PKP4: variants seen among roughly 807,000 people sequenced by gnomAD.
PKP4 encodes the protein plakophilin 4, also known as plakophilin-4.
PKP4 carries 90 observed loss-of-function variants against 145.1 expected under a neutral mutation model. The ratio of observed to expected loss-of-function variants is 0.62; its 90% confidence interval spans 0.52 to 0.74. The LOEUF is 0.74. PKP4 is among the 30% of genes least tolerant of loss of function. PKP4 has a pLI of 0.00. For missense variants in PKP4, 1,340 were observed against 1,482.7 expected (o/e 0.90, Z 1.58); for synonymous variants, 563 against 577.2 (o/e 0.98, Z 0.35).
At chr2:158,612,459 T>C (rs1207186752) in intron 4 of PKP4, among the ~76,000 whole-genome samples, 1 of 152,214 alleles carries the variant, frequency 6.6e-6, no homozygotes, top group African/African-American at 2.4e-5. Flanking sequence ...GAAGATTCTT[T>C]CTGCACATAT....
chr2:158,628,013 G>A (rs1047445907), intron 7 of PKP4, among the ~76,000 whole-genome samples: 6 of 149,510 alleles, frequency 4.0e-5, no homozygotes, highest in Admixed American at 6.7e-5. Context: ...ACGGAGTTTC[G>A]CTCTGTCACC....
chr2:158,474,072 T>G (rs1302606864), intron 1 of PKP4, among the ~76,000 whole-genome samples: 3 of 152,224 alleles, frequency 2.0e-5, no homozygotes. Flanking sequence ...AAAGTAAAAC[T>G]ACAACTCAAA....
At chr2:158,595,568 A>G (rs1484105440) in intron 3 of PKP4, among the ~76,000 whole-genome samples, 1 of 152,234 alleles carries the variant, frequency 6.6e-6, no homozygotes, top group Non-Finnish European at 1.5e-5. Flanking sequence ...TAAGAGATAG[A>G]CGGAGTAAAG....
intron 2 of PKP4, among the ~76,000 whole-genome samples, chr2:158,558,266 G>A (rs762811172): frequency 2.6e-5 from 4 of 152,028 alleles, no homozygotes; most frequent in Admixed American, 6.5e-5. Flanking sequence ...AGTACATTTC[G>A]GCCGATGCTA....
chr2:158,670,296 G>C (rs1158447244), intron 17 of PKP4, among the ~76,000 whole-genome samples: 1 of 152,194 alleles, frequency 6.6e-6, no homozygotes, highest in Non-Finnish European at 1.5e-5. Context: ...TGTCTGGTGA[G>C]GGCCCCGATT....
At chr2:158,665,781 T>A (rs1166220237) in intron 15 of PKP4, 2 of 152,192 alleles carry the variant, frequency 1.3e-5, no homozygotes. Context: ...CTATGGATTT[T>A]TAAAAAACAG....
intron 9 of PKP4, among the ~76,000 whole-genome samples, 162 bp from the exon 10 acceptor site, chr2:158,640,465 T>A (rs190471542): frequency 2.6e-5 from 4 of 152,364 alleles, no homozygotes; most frequent in Admixed American, 2.6e-4. Flanking sequence ...CCTCTGCATA[T>A]GTTCATCAGG....
intron 3 of PKP4, chr2:158,578,133 A>G: frequency 5.4e-6 from 1 of 184,956 alleles, no homozygotes; most frequent in Non-Finnish European, 1.3e-5. Context: ...CTTTTCTCTC[A>G]GTTATTTCTA....
intron 16 of PKP4, among the ~76,000 whole-genome samples, chr2:158,667,813 C>T (rs1031665345): frequency 1.2e-4 from 18 of 152,226 alleles, no homozygotes; most frequent in Non-Finnish European, 2.1e-4. Flanking sequence ...TGTGCCATAT[C>T]TCTCAGTTCC....
chr2:158,637,768 A>G (rs544594928), intron 9 of PKP4, among the ~76,000 whole-genome samples: 21 of 152,386 alleles, frequency 1.4e-4, no homozygotes, highest in African/African-American at 4.6e-4. Context: ...GGCGAAATCC[A>G]GTACGAGTTA....
chr2:158,591,601 A>G (rs1050190199), intron 3 of PKP4, among the ~76,000 whole-genome samples: 1 of 152,054 alleles, frequency 6.6e-6, no homozygotes, highest in Non-Finnish European at 1.5e-5. Context: ...GGTGATTCAG[A>G]TCTTAATTTT....
At chr2:158,576,414 G>T (rs2047855289) in intron 2 of PKP4, among the ~76,000 whole-genome samples, 1 of 152,152 alleles carries the variant, frequency 6.6e-6, no homozygotes. Flanking sequence ...TATGGCACAG[G>T]GGAGCTTGAG....
At chr2:158,620,380 A>G (rs1209450760) in intron 4 of PKP4, among the ~76,000 whole-genome samples, 3 of 152,120 alleles carry the variant, frequency 2.0e-5, no homozygotes, top group Non-Finnish European at 4.4e-5. Flanking sequence ...AATGGAAGAG[A>G]TGAGTTTGGC....
intron 4 of PKP4, among the ~76,000 whole-genome samples, chr2:158,607,919 G>C (rs1471876069): frequency 1.3e-5 from 2 of 152,072 alleles, no homozygotes. Flanking sequence ...GCCATCTTCA[G>C]GGTTTTTATC....
chr2:158,516,692 T>C (rs949158078), intron 1 of PKP4, among the ~76,000 whole-genome samples: 1 of 149,962 alleles, frequency 6.7e-6, no homozygotes, highest in African/African-American at 2.4e-5. Flanking sequence ...AGAGTTCCGC[T>C]CTTGTTGCCC....
At chr2:158,610,720 T>A (rs886322670) in intron 4 of PKP4, among the ~76,000 whole-genome samples, 1 of 152,120 alleles carries the variant, frequency 6.6e-6, no homozygotes, top group African/African-American at 2.4e-5. Flanking sequence ...TTTTTCTGTT[T>A]GCGAGAAAAA....
chr2:158,594,141 T>A (rs146214131), intron 3 of PKP4, among the ~76,000 whole-genome samples: 4 of 152,266 alleles, frequency 2.6e-5, no homozygotes, highest in Non-Finnish European at 4.4e-5. Context: ...ATTCTGTTGG[T>A]CACACCAGTG....
rs2058408240 is a variant in PKP4 at position 158,681,296 on chromosome 2, T to A, written c.*619T>A. 6.5e-6 allele frequency: 1 copy of A among 152,840 alleles called. No individual in the cohort carries two copies. The highest frequency in any genetic ancestry group is 2.1e-4 in the South Asian group (1 of 4,838). 9.5% of individuals were successfully genotyped at this position (152,840 alleles called of 1,614,324 possible). On this transcript the variant is annotated 3_prime_UTR_variant, in exon 22 of 22. Coordinates refer to ENST00000389759, the MANE Select transcript of PKP4 (RefSeq NM_003628.6). ...CACCCTTTGTCTCCACCACACATAG[T>A]GTACTTTGGAAGCACAACGTCCAGG...
intron 1 of PKP4, among the ~76,000 whole-genome samples, chr2:158,531,256 C>T (rs2043517545): frequency 6.6e-6 from 1 of 152,138 alleles, no homozygotes; most frequent in Non-Finnish European, 1.5e-5. Context: ...CTCCTTTTCT[C>T]AAATTATCTT....
Sources: gnomAD v4.1 joint callset for allele counts (sites outside exome capture counted in the v4.1 genomes callset) on GRCh38, gnomAD v4.1.1 for gene constraint, MANE v1.5 for transcripts, NCBI Gene and HGNC (gene_info 2026-07-23, HGNC 2026-07-21) for gene names.